PPP4R3B: variants seen among roughly 807,000 people sequenced by gnomAD.
The protein encoded by PPP4R3B is protein phosphatase 4 regulatory subunit 3B.
Under a neutral mutation model 95.4 loss-of-function variants are expected in PPP4R3B, and 52 were observed. The observed-to-expected ratio is 0.54, with a 90% CI of 0.44 to 0.69. The LOEUF is 0.69. Ranked by LOEUF, PPP4R3B falls within the 30% of genes least tolerant of loss-of-function variation. The pLI is 0.00. For synonymous variants in PPP4R3B, 407 were observed against 343.9 expected, an observed-to-expected ratio of 1.18 and a Z score of -2.03; for missense variants, 1,003 against 1,005.9, an observed-to-expected ratio of 1.00 and a Z score of 0.04.
intron 15 of PPP4R3B, among the ~76,000 whole-genome samples, chr2:55,564,076 T>G (rs72803543): frequency 0.036 from 5,554 of 152,266 alleles, 146 homozygotes; most frequent in South Asian, 0.089. Flanking sequence ...ATAATTCAAT[T>G]TCTAACTAGC....
rs1307730560 is a variant in PPP4R3B, at chr2:55,548,106, T to A, written c.*1805A>T. 6.6e-6 allele frequency: 1 copy of A among 151,702 alleles called. No homozygotes were observed. The highest frequency in any genetic ancestry group is 1.9e-4 in the East Asian group (1 of 5,206). 9.4% of individuals were successfully genotyped at this position (151,702 alleles called of 1,614,324 possible). A position where few individuals can be genotyped will look rare whatever the true frequency, so the allele number is the denominator to read the frequency against. ...GAGGTGGAAGGTCTTTCTTTCTTAC[T>A]ATATGTACACCTTTAATTGAAAAGG... On this transcript the variant is annotated 3_prime_UTR_variant, in exon 17 of 17. Transcript: ENST00000616407.
At chr2:55,578,198 A>G (rs1401964438) in intron 10 of PPP4R3B, 49 bp downstream of exon 10, 2 of 1,325,726 alleles carry the variant, frequency 1.5e-6, no homozygotes, top group Non-Finnish European at 1.9e-6. Context: ...TATACACATC[A>G]TAACAACATA....
In PPP4R3B at chr2:55,617,172, C is replaced by T; in HGVS notation, c.114G>A (p.Met38Ile). Residue 38 changes from methionine (M) to isoleucine (I), a missense_variant, in exon 1 of 17, where the codon ATG becomes ATA. Physicochemically the swap from Met to Ile is conservative, Grantham distance 10 (BLOSUM62 1). This residue lies in a region of PPP4R3B where 695 missense variants were observed against 686.2 expected (regional missense o/e 1.01). Coordinates refer to ENST00000616407, the MANE Select transcript of PPP4R3B (RefSeq NM_001122964.3). ...CGGACTCTGCCCGAACCAGCAGCGA[C>T]ATCCCCTTGAGCTCCTCCACGTAAG... ...SSTYVEELKG[M>I]SLLVRAESDG... 3.7e-6 allele frequency: 6 copies of T among 1,613,410 alleles called. No individual in the cohort carries two copies. The Middle Eastern group carries it at 9.9e-4, about 266-fold the overall frequency.
At chr2:55,584,155 C>CA (rs1689807330) in intron 7 of PPP4R3B, among the ~76,000 whole-genome samples, 1 of 151,588 alleles carries the variant, frequency 6.6e-6, no homozygotes, top group South Asian at 2.1e-4. Context: ...TCAAAAAAAA[C>CA]AAAAAACAAA....
At chr2:55,590,284 G>A (rs1169110008) in intron 4 of PPP4R3B, among the ~76,000 whole-genome samples, 3 of 151,972 alleles carry the variant, frequency 2.0e-5, no homozygotes, top group African/African-American at 4.8e-5. Flanking sequence ...CCGAGATTGC[G>A]CCATTGCAGT....
At chr2:55,569,442 C>CT (rs1687711598) in intron 12 of PPP4R3B, among the ~76,000 whole-genome samples, 2 of 152,236 alleles carry the variant, frequency 1.3e-5, no homozygotes, top group Non-Finnish European at 1.5e-5. Flanking sequence ...TGCTGTGCTT[C>CT]AGGGGTCACG....
At chr2:55,598,395 G>T in intron 4 of PPP4R3B, 21 bp downstream of exon 4, 5 of 1,605,738 alleles carry the variant, frequency 3.1e-6, no homozygotes, top group Non-Finnish European at 3.4e-6. Flanking sequence ...ATGGAATCGT[G>T]AAGAGTATCT....
intron 12 of PPP4R3B, 147 bp from the exon 13 acceptor site, chr2:55,568,510 A>G (rs1228317485): frequency 1.7e-6 from 1 of 583,598 alleles, no homozygotes; most frequent in Non-Finnish European, 2.6e-6. Context: ...CTCCTCTAAA[A>G]TGAAAAGTAA....
intron 15 of PPP4R3B, 95 bp downstream of exon 15, chr2:55,564,217 TG>T: frequency 8.8e-7 from 1 of 1,139,198 alleles, no homozygotes; most frequent in East Asian, 2.9e-5. Context: ...TTGTCTTTCT[TG>T]CTTTGTAAAC....
In PPP4R3B at chr2:55,586,677, C is replaced by T; in HGVS notation, c.1057G>A (p.Asp353Asn). 1 of 1,610,274 alleles carries T rather than the reference C, an allele frequency of 6.2e-7. No individual in the cohort carries two copies. The highest frequency in any genetic ancestry group is 1.1e-5 in the South Asian group (1 of 90,106). ...TTTGCCAATGTTTTGAAAAATGCAT[C>T]CCTGTTTTGAGGTTGTAATGTCTGA... ...FSQTLQPQNR[D>N]AFFKTLAKLG... The change falls in exon 6 of 17, where the codon GAT becomes AAT. Residue 353 changes from aspartate (D) to asparagine (N), a missense_variant. Around this residue, in one of 3 missense-constraint regions of PPP4R3B, gnomAD observed 695 missense variants for 686.2 expected, o/e 1.01. Coordinates refer to ENST00000616407, the MANE Select transcript of PPP4R3B (RefSeq NM_001122964.3).
chr2:55,559,345 T>C (rs767103316), intron 15 of PPP4R3B, among the ~76,000 whole-genome samples: 2 of 151,740 alleles, frequency 1.3e-5, no homozygotes, highest in Admixed American at 6.6e-5. Flanking sequence ...AAACTCCGTC[T>C]CAAAAAAAAC....
rs971970738 is a variant in PPP4R3B at position 55,617,581 on chromosome 2, G to C, written c.-296C>G. On this transcript the variant is annotated 5_prime_UTR_variant, in exon 1 of 17. It adds an upstream start codon to the 5' untranslated region. Coordinates refer to ENST00000616407, the MANE Select transcript of PPP4R3B (RefSeq NM_001122964.3). ...TCCCGCCGCCGCGGTAACTACTACA[G>C]ATCCGCCATCTTGTAACCCGACTCT... 3.2e-6 allele frequency: 1 copy of C among 307,956 alleles called. No homozygotes were observed. The highest frequency in any genetic ancestry group is 6.1e-6 in the Non-Finnish European group (1 of 164,806). 19.1% of individuals were successfully genotyped at this position (307,956 alleles called of 1,614,324 possible). A position where few individuals can be genotyped will look rare whatever the true frequency, so the allele number is the denominator to read the frequency against.
At chr2:55,609,466 G>A (rs1422769317) in intron 2 of PPP4R3B, among the ~76,000 whole-genome samples, 1 of 152,034 alleles carries the variant, frequency 6.6e-6, no homozygotes. Flanking sequence ...TGGGCTGCTT[G>A]AGCTCAGGAG....
intron 12 of PPP4R3B, among the ~76,000 whole-genome samples, chr2:55,571,305 G>C (rs1345894104): frequency 8.3e-6 from 1 of 120,018 alleles, no homozygotes; most frequent in Non-Finnish European, 2.0e-5. Context: ...GCAAGACTCT[G>C]TCTCAAAAAA....
intron 8 of PPP4R3B, among the ~76,000 whole-genome samples, chr2:55,580,682 T>C (rs542964685): frequency 1.6e-4 from 25 of 152,212 alleles, no homozygotes; most frequent in African/African-American, 4.6e-4. Context: ...ATAATGTCTA[T>C]GGCTTTTGCC....
intron 13 of PPP4R3B, among the ~76,000 whole-genome samples, chr2:55,567,248 A>G (rs2103973600): frequency 6.6e-6 from 1 of 152,280 alleles, no homozygotes; most frequent in Admixed American, 6.5e-5. Flanking sequence ...TGATTGTGCT[A>G]CTATCCAAAA....
In PPP4R3B at chr2:55,588,895, T is replaced by C. The variant is rs1690561760; in HGVS notation, c.983A>G (p.Asp328Gly). Residue 328 changes from aspartate to glycine, a missense_variant, in exon 5 of 17, where the codon GAT (aspartate) becomes GGT (glycine). This residue lies in a region of PPP4R3B where 695 missense variants were observed against 686.2 expected (regional missense o/e 1.01). Coordinates refer to ENST00000616407, the MANE Select transcript of PPP4R3B (RefSeq NM_001122964.3). ...ATAACTTACCAATTCACGCCGTTTA[T>C]CATCATCTGTAGCCTCATCTGTTAA... ...AQLTDEATDD[D>G]KRRELVNFFK... is the part of the protein sequence containing the mutation. 6.2e-7 allele frequency: 1 copy of C among 1,608,912 alleles called. No individual in the cohort carries two copies. Among genetic ancestry groups the C allele is most frequent in the African/African-American group, 1.3e-5 (1 of 75,000 alleles).
chr2:55,584,762 G>A (rs1689912947), intron 7 of PPP4R3B, among the ~76,000 whole-genome samples: 1 of 152,066 alleles, frequency 6.6e-6, no homozygotes, highest in Non-Finnish European at 1.5e-5. Context: ...CCTAAGGCTT[G>A]AAATTACATT....
chr2:55,578,122 C>A, intron 10 of PPP4R3B, 125 bp downstream of exon 10: 2 of 981,366 alleles, frequency 2.0e-6, no homozygotes, highest in South Asian at 5.3e-5. Context: ...AAAAAATATG[C>A]AGAATAATAT....
Sources: gnomAD v4.1 joint callset for allele counts (sites outside exome capture counted in the v4.1 genomes callset) on GRCh38, gnomAD v4.1.1 for gene constraint, gnomAD v4.1.1 regional missense constraint, MANE v1.5 for transcripts, NCBI Gene and HGNC (gene_info 2026-07-23, HGNC 2026-07-21) for gene names.